The following PCDH15 variants were observed in gnomAD, a reference collection of about 807,000 sequenced individuals.
PCDH15 encodes the protein protocadherin related 15, also known as protocadherin-15.
PCDH15 carries 129 observed loss-of-function variants against 178.5 expected under a neutral mutation model. That is an observed-to-expected ratio of 0.72 (90% confidence interval 0.63 to 0.84). PCDH15 has a LOEUF of 0.84. Ranked by LOEUF, PCDH15 falls within the 40% of genes least tolerant of loss-of-function variation. PCDH15 has a pLI of 0.00. For missense variants in PCDH15, 2,230 were observed against 2,099.9 expected, an observed-to-expected ratio of 1.06 and a Z score of -1.21; for synonymous variants, 800 against 732.0, an observed-to-expected ratio of 1.09 and a Z score of -1.50.
At chr10:55,250,298 T>A (rs1392642086) in intron 1 of PCDH15, among the ~76,000 whole-genome samples, 1 of 151,738 alleles carries the variant, frequency 6.6e-6, no homozygotes, top group African/African-American at 2.4e-5. Flanking sequence ...AGCATGCTAC[T>A]ATGACTGGAT....
chr10:54,749,900 A>T (rs1945975782), intron 1 of PCDH15, among the ~76,000 whole-genome samples: 1 of 152,102 alleles, frequency 6.6e-6, no homozygotes, highest in Admixed American at 6.6e-5. Flanking sequence ...GTAGATTAGA[A>T]TTCTATTTTT....
chr10:55,541,395 A>G (rs1421671291), intron 2 of PCDH15, among the ~76,000 whole-genome samples: 1 of 151,980 alleles, frequency 6.6e-6, no homozygotes, highest in African/African-American at 2.4e-5. Flanking sequence ...AAGGAGAGTA[A>G]TCTACATCTT....
At chr10:54,915,024 T>C (rs966718532) in intron 2 of PCDH15, among the ~76,000 whole-genome samples, 1 of 152,214 alleles carries the variant, frequency 6.6e-6, no homozygotes, top group Non-Finnish European at 1.5e-5. Context: ...CATTTAGACA[T>C]ACGATACAGG....
chr10:54,275,616 G>C (rs577773715), intron 8 of PCDH15, among the ~76,000 whole-genome samples: 1 of 151,736 alleles, frequency 6.6e-6, no homozygotes, highest in Non-Finnish European at 1.5e-5. Context: ...ATGCTTAATA[G>C]TGGTGTCATT....
Position 54,669,256 on chromosome 10 carries a change from T to C in PCDH15, c.-28-4966A>G, listed in dbSNP as rs139473540. 1.7e-3 allele frequency among the ~76,000 whole-genome samples: 259 copies of C among 152,142 alleles called. 3 individuals are homozygous for C. The highest frequency in any genetic ancestry group is 5.8e-3 in the African/African-American group (240 of 41,538). ...TGTTCCTTTTTTAAAATGTGTAATA[T>C]GAAGTTTAGGAAAATAAAATTTCAG... On this transcript the variant is annotated intron_variant, in intron 1 of 37. Coordinates refer to ENST00000644397, the MANE Select transcript of PCDH15 (RefSeq NM_001384140.1).
At chr10:55,455,206 G>A (rs1329256508) in intron 2 of PCDH15, among the ~76,000 whole-genome samples, 1 of 152,034 alleles carries the variant, frequency 6.6e-6, no homozygotes, top group Non-Finnish European at 1.5e-5. Flanking sequence ...GTAAAATGAG[G>A]ATAGTAACTC....
At chr10:54,057,330 C>A (rs1357743433) in intron 18 of PCDH15, among the ~76,000 whole-genome samples, 1 of 152,236 alleles carries the variant, frequency 6.6e-6, no homozygotes, top group Non-Finnish European at 1.5e-5. Context: ...CAGCATAACT[C>A]TGCCTGGACA....
At chr10:54,592,399 AC>A (rs1409825105) in intron 2 of PCDH15, among the ~76,000 whole-genome samples, 2 of 151,082 alleles carry the variant, frequency 1.3e-5, no homozygotes, top group Admixed American at 1.3e-4. Context: ...GGTATAGCTG[AC>A]AAGTAAAAAT....
At chr10:55,357,002 C>T (rs568532173) in intron 2 of PCDH15, among the ~76,000 whole-genome samples, 188 of 151,964 alleles carry the variant, frequency 1.2e-3, no homozygotes, top group African/African-American at 3.9e-3. Context: ...ACACATAGTG[C>T]CCTGTAACAC....
intron 1 of PCDH15, among the ~76,000 whole-genome samples, chr10:55,262,615 G>A (rs751023606): frequency 8.5e-5 from 13 of 152,136 alleles, no homozygotes; most frequent in Non-Finnish European, 1.5e-4. Context: ...TGGCCAGGAT[G>A]TTCTAAGGAG....
intron 2 of PCDH15, among the ~76,000 whole-genome samples, chr10:55,123,251 T>C (rs1005005465): frequency 5.3e-5 from 8 of 152,198 alleles, no homozygotes; most frequent in African/African-American, 1.9e-4. Context: ...GTTTTAAAAT[T>C]ATGGAGTACA....
chr10:54,037,194 A>G (rs1215738197), intron 18 of PCDH15, among the ~76,000 whole-genome samples: 2 of 152,004 alleles, frequency 1.3e-5, no homozygotes, highest in African/African-American at 4.8e-5. Context: ...ATAGCAACAG[A>G]TAATTTAGAA....
At chr10:55,527,812 T>C (rs1295862838) in intron 2 of PCDH15, among the ~76,000 whole-genome samples, 1 of 152,046 alleles carries the variant, frequency 6.6e-6, no homozygotes, top group Non-Finnish European at 1.5e-5. Context: ...GCATCCATTA[T>C]TAAAAAATAA....
At chr10:55,022,034 G>T (rs2131955566) in intron 2 of PCDH15, among the ~76,000 whole-genome samples, 1 of 152,280 alleles carries the variant, frequency 6.6e-6, no homozygotes, top group South Asian at 2.1e-4. Context: ...GGCTGGGGTG[G>T]TTAGTGGGGC....
At chr10:55,469,788 T>C (rs17627461) in intron 2 of PCDH15, among the ~76,000 whole-genome samples, 47,188 of 151,816 alleles carry the variant, frequency 0.31, 7,531 homozygotes, top group African/African-American at 0.37. Flanking sequence ...ATCTCCCAAA[T>C]TGTTAATTTT....
intron 2 of PCDH15, among the ~76,000 whole-genome samples, chr10:55,378,877 A>ATCTCTCTC (rs67020951): frequency 0.11 from 13,819 of 123,856 alleles, 713 homozygotes; most frequent in African/African-American, 0.14. Flanking sequence ...AACTCTCCCC[A>ATCTCTCTC]TCTCTCTCTC....
intron 8 of PCDH15, among the ~76,000 whole-genome samples, chr10:54,311,107 T>G (rs1414033075): frequency 6.6e-6 from 1 of 152,004 alleles, no homozygotes; most frequent in African/African-American, 2.4e-5. Flanking sequence ...AAGACAAAGA[T>G]TGAAGTTGAG....
chr10:54,819,664 G>A (rs1173717662), intron 3 of PCDH15, among the ~76,000 whole-genome samples: 2 of 151,910 alleles, frequency 1.3e-5, no homozygotes, highest in Non-Finnish European at 2.9e-5. Context: ...TCAATAATAT[G>A]TAATAAAAGG....
chr10:55,085,559 A>G (rs1842148230), intron 2 of PCDH15, among the ~76,000 whole-genome samples: 1 of 151,932 alleles, frequency 6.6e-6, no homozygotes, highest in African/African-American at 2.4e-5. Context: ...CCCTGATGTG[A>G]TTATTTTGCA....
Sources: allele counts gnomAD v4.1 joint callset (sites outside exome capture counted in the v4.1 genomes callset), GRCh38; gene constraint gnomAD v4.1.1; transcripts MANE v1.5; gene names NCBI Gene and HGNC (gene_info 2026-07-23, HGNC 2026-07-21).